The following DLG2 variants were observed in gnomAD, a reference collection of about 807,000 sequenced individuals.
The protein encoded by DLG2 is discs large MAGUK scaffold protein 2.
A neutral mutation model predicts 132.5 loss-of-function variants in DLG2; 45 were observed. That is an observed-to-expected ratio of 0.34 (90% confidence interval 0.27 to 0.44). The LOEUF is 0.44. Ranked by LOEUF, DLG2 falls within the 20% of genes least tolerant of loss-of-function variation. The pLI is 1.00. For synonymous variants in DLG2, 424 were observed against 419.6 expected (o/e 1.01, Z -0.13); for missense variants, 1,045 against 1,196.9 (o/e 0.87, Z 1.87).
chr11:85,623,493 T>C (rs1331131753), intron 2 of DLG2, among the ~76,000 whole-genome samples: 3 of 152,088 alleles, frequency 2.0e-5, no homozygotes, highest in African/African-American at 7.2e-5. Context: ...TTAGTAGAGA[T>C]GGGGTTTCAC....
intron 14 of DLG2, among the ~76,000 whole-genome samples, chr11:83,935,207 A>G (rs1160809135): frequency 6.6e-6 from 1 of 152,184 alleles, no homozygotes; most frequent in Non-Finnish European, 1.5e-5. Context: ...ATATTGCCAG[A>G]TATCATTTGA....
At chr11:85,330,773 A>T (rs1203787955) in intron 3 of DLG2, among the ~76,000 whole-genome samples, 1 of 115,372 alleles carries the variant, frequency 8.7e-6, no homozygotes, top group Non-Finnish European at 1.7e-5. Context: ...AACTTAGAGT[A>T]TAATAAAAAA....
intron 6 of DLG2, among the ~76,000 whole-genome samples, chr11:84,642,709 G>A (rs1426107392): frequency 6.6e-6 from 1 of 152,096 alleles, no homozygotes; most frequent in East Asian, 1.9e-4. Context: ...ACTCTACATG[G>A]ACAGTTTTAC....
At chr11:85,496,695 C>T (rs1277079462) in intron 3 of DLG2, among the ~76,000 whole-genome samples, 1 of 151,924 alleles carries the variant, frequency 6.6e-6, no homozygotes, top group African/African-American at 2.4e-5. Context: ...CATACACGCT[C>T]GTGCCCCTCT....
intron 6 of DLG2, among the ~76,000 whole-genome samples, chr11:84,783,582 A>G (rs1224759182): frequency 2.0e-5 from 3 of 152,162 alleles, no homozygotes; most frequent in South Asian, 2.1e-4. Context: ...GTACTAATCA[A>G]TAAGAGTATC....
At chr11:83,642,032 GTCTATC>G in intron 18 of DLG2, among the ~76,000 whole-genome samples, 1 of 152,132 alleles carries the variant, frequency 6.6e-6, no homozygotes, top group South Asian at 2.1e-4. Flanking sequence ...AATATAAAGA[GTCTATC>G]TTTTCTGCAC....
intron 6 of DLG2, among the ~76,000 whole-genome samples, chr11:84,901,367 T>A (rs1212221478): frequency 6.6e-6 from 1 of 152,014 alleles, no homozygotes; most frequent in East Asian, 1.9e-4. Context: ...ATCCTGACAA[T>A]CAGTGGGATA....
At chr11:84,588,797 A>C (rs887238002) in intron 6 of DLG2, among the ~76,000 whole-genome samples, 22 of 150,012 alleles carry the variant, frequency 1.5e-4, no homozygotes, top group Admixed American at 2.0e-4. Flanking sequence ...AAAAAAAAAA[A>C]CAAAATATGG....
At position 85,611,476 on chromosome 11, in the gene DLG2, C is replaced by T. The variant is rs144210973; in HGVS notation, c.-92-12688G>A. On this transcript the variant is annotated intron_variant, in intron 2 of 27. Transcript: ENST00000376104. ...CCAAACTTATAGTCCAAACTTATGC[C>T]GCCCGAGATGATCTCTTAGAAGTCC... Among the ~76,000 whole-genome samples, 547 of 152,306 alleles carry T rather than the reference C, an allele frequency of 3.6e-3. 3 individuals are homozygous for T. Among genetic ancestry groups the T allele is most frequent in the African/African-American group, 0.012 (487 of 41,562 alleles).
At chr11:84,766,484 C>A (rs1434091643) in intron 6 of DLG2, among the ~76,000 whole-genome samples, 1 of 151,978 alleles carries the variant, frequency 6.6e-6, no homozygotes, top group Non-Finnish European at 1.5e-5. Flanking sequence ...ATGGATGCTG[C>A]TTAGAACACC....
At chr11:84,631,324 A>T (rs537136133) in intron 6 of DLG2, among the ~76,000 whole-genome samples, 2 of 152,268 alleles carry the variant, frequency 1.3e-5, no homozygotes, top group African/African-American at 4.8e-5. Flanking sequence ...AACTGAGAGA[A>T]TGGACATAAA....
At chr11:83,832,065 G>C (rs1565252924) in intron 17 of DLG2, among the ~76,000 whole-genome samples, 1 of 152,134 alleles carries the variant, frequency 6.6e-6, no homozygotes, top group Non-Finnish European at 1.5e-5. Context: ...GGTAAACTTT[G>C]ACAAGCTGGA....
At position 84,681,299 on chromosome 11, in the gene DLG2, C is replaced by T. The variant is rs537706396; in HGVS notation, c.358-146568G>A. On this transcript the variant is annotated intron_variant, in intron 6 of 27. Coordinates refer to ENST00000376104, the MANE Select transcript of DLG2 (RefSeq NM_001142699.3). ...CAAAGAATATGTGCCCATCTCTGTG[C>T]TAAGTGATTTATCTTATTTCATTTT... Among the ~76,000 whole-genome samples, 14 of 152,226 alleles carry T rather than the reference C, an allele frequency of 9.2e-5. No individual in the cohort carries two copies. The South Asian group carries it at 2.5e-3, about 27-fold the overall frequency.
intron 11 of DLG2, among the ~76,000 whole-genome samples, chr11:83,996,176 A>G (rs1271895616): frequency 2.0e-5 from 3 of 152,184 alleles, no homozygotes; most frequent in African/African-American, 7.2e-5. Context: ...CTGAATGGAC[A>G]TTTCTTAAAG....
chr11:84,189,309 TA>T (rs1316945181), intron 8 of DLG2, among the ~76,000 whole-genome samples: 8 of 152,168 alleles, frequency 5.3e-5, no homozygotes, highest in Non-Finnish European at 1.2e-4. Flanking sequence ...TGACTATTAT[TA>T]AAAAGTGAAA....
intron 7 of DLG2, among the ~76,000 whole-genome samples, chr11:84,489,571 T>C (rs889831879): frequency 6.6e-6 from 1 of 152,084 alleles, no homozygotes; most frequent in East Asian, 1.9e-4. Flanking sequence ...CATTTTATTA[T>C]ACAAACCTAG....
chr11:84,664,816 T>C (rs11234112), intron 6 of DLG2, among the ~76,000 whole-genome samples: 12,886 of 152,202 alleles, frequency 0.085, 944 homozygotes, highest in East Asian at 0.4. Context: ...TGATATCTGA[T>C]GATTGTGGTA....
intron 8 of DLG2, among the ~76,000 whole-genome samples, chr11:84,220,804 C>G (rs1407198350): frequency 5.8e-5 from 4 of 69,428 alleles, no homozygotes; most frequent in Non-Finnish European, 7.6e-5. Flanking sequence ...TTTTTTTTGA[C>G]AGGGTCTAGC....
intron 6 of DLG2, among the ~76,000 whole-genome samples, chr11:85,103,784 A>G (rs2071256475): frequency 6.6e-6 from 1 of 151,954 alleles, no homozygotes; most frequent in Non-Finnish European, 1.5e-5. Context: ...TAAAAAGATA[A>G]CCCACAGAAC....
Sources: gnomAD v4.1 joint callset for allele counts (sites outside exome capture counted in the v4.1 genomes callset) on GRCh38, gnomAD v4.1.1 for gene constraint, MANE v1.5 for transcripts, NCBI Gene and HGNC (gene_info 2026-07-23, HGNC 2026-07-21) for gene names.